PPIL4: variants seen among roughly 807,000 people sequenced by gnomAD.
PPIL4 encodes peptidylprolyl isomerase like 4.
A neutral mutation model predicts 69.1 loss-of-function variants in PPIL4; 50 were observed. The ratio of observed to expected loss-of-function variants is 0.72; its 90% CI spans 0.58 to 0.92. The LOEUF is 0.92. Among genes scored for constraint, PPIL4 ranks in the 40% least tolerant of loss-of-function variants. The probability of loss-of-function intolerance (pLI) is 0.00; values close to 1 mark genes in which losing one functional copy is unlikely to be tolerated. For missense variants in PPIL4, 480 were observed against 587.9 expected, an observed-to-expected ratio of 0.82 and a Z score of 1.90; for synonymous variants, 193 against 191.6, an observed-to-expected ratio of 1.01 and a Z score of -0.06.
At chr6:149,526,162 A>G (rs1012171547) in intron 8 of PPIL4, among the ~76,000 whole-genome samples, 4 of 152,164 alleles carry the variant, frequency 2.6e-5, no homozygotes, top group Non-Finnish European at 5.9e-5. Context: ...AACCCTAAAT[A>G]TAATACTTTT....
At chr6:149,542,695 T>C (rs1448572858) in intron 1 of PPIL4, among the ~76,000 whole-genome samples, 3 of 152,194 alleles carry the variant, frequency 2.0e-5, no homozygotes, top group African/African-American at 7.2e-5. Flanking sequence ...CAAAAGATTG[T>C]TTCTGGCTAG....
intron 11 of PPIL4, among the ~76,000 whole-genome samples, chr6:149,514,104 A>G (rs1304216395): frequency 6.6e-6 from 1 of 152,234 alleles, no homozygotes; most frequent in Non-Finnish European, 1.5e-5. Flanking sequence ...CATAAGATCA[A>G]ATGAAAGACA....
At chr6:149,524,037 C>T (rs571484229) in intron 9 of PPIL4, among the ~76,000 whole-genome samples, 13 of 152,282 alleles carry the variant, frequency 8.5e-5, no homozygotes, top group Admixed American at 2.6e-4. Flanking sequence ...AAAAGGTATT[C>T]CATAAATGCT....
At chr6:149,521,942 T>C (rs956217322) in intron 9 of PPIL4, among the ~76,000 whole-genome samples, 16 of 152,214 alleles carry the variant, frequency 1.1e-4, no homozygotes, top group Admixed American at 4.6e-4. Flanking sequence ...TGACCAATTT[T>C]CTTTTACATT....
At chr6:149,506,993 T>C (rs1381172582) in intron 12 of PPIL4, among the ~76,000 whole-genome samples, 2 of 152,250 alleles carry the variant, frequency 1.3e-5, no homozygotes, top group Non-Finnish European at 2.9e-5. Context: ...TTGCTACATT[T>C]AATTCTACTC....
chr6:149,505,543 T>C lies in PPIL4; in HGVS notation c.1389A>G (p.Thr463=), dbSNP rs756389250. The C allele has an allele frequency of 1.9e-6, 3 of 1,614,108 alleles. No individual in the cohort carries two copies. Among genetic ancestry groups the C allele is most frequent in the Non-Finnish European group, 2.5e-6 (3 of 1,179,970 alleles). The part of the protein sequence containing the change: ...YSNSHKSKYQ[T]DLYERERSKK... Reference sequence around the variant, plus strand: ...TACTCCTTTCTCTTTCATAAAGATCTGTTTGGTATTTTGATTTATGACTAT... The same window carrying C: ...TACTCCTTTCTCTTTCATAAAGATCCGTTTGGTATTTTGATTTATGACTAT... The change falls in exon 13 of 13, where the codon ACA becomes ACG. Residue 463 remains threonine (T), a synonymous_variant. Coordinates refer to ENST00000253329, the MANE Select transcript of PPIL4 (RefSeq NM_139126.4).
intron 1 of PPIL4, among the ~76,000 whole-genome samples, chr6:149,543,642 T>G (rs996789740): frequency 1.3e-5 from 2 of 152,164 alleles, no homozygotes; most frequent in African/African-American, 4.8e-5. Context: ...CCTGTCAAGT[T>G]TTTTTTCTTT....
chr6:149,532,230 G>A (rs1777210473), intron 7 of PPIL4, among the ~76,000 whole-genome samples: 1 of 152,158 alleles, frequency 6.6e-6, no homozygotes, highest in Non-Finnish European at 1.5e-5. Context: ...GTGAATGTGG[G>A]TAAAAGGTAT....
intron 7 of PPIL4, among the ~76,000 whole-genome samples, chr6:149,531,773 G>A (rs531787276): frequency 9.2e-5 from 14 of 152,094 alleles, no homozygotes; most frequent in African/African-American, 2.9e-4. Flanking sequence ...GGGTTCAAGC[G>A]ATTCTCCTGC....
chr6:149,529,712 G>T (rs60423891), intron 7 of PPIL4, among the ~76,000 whole-genome samples: 1,606 of 145,956 alleles, frequency 0.011, 29 homozygotes, highest in African/African-American at 0.04. Flanking sequence ...GCAGTGAGCC[G>T]AGATAATGCC....
At chr6:149,521,703 C>T (rs146412477) in intron 9 of PPIL4, among the ~76,000 whole-genome samples, 1 of 152,276 alleles carries the variant, frequency 6.6e-6, no homozygotes, top group Non-Finnish European at 1.5e-5. Flanking sequence ...AAAGGTATTA[C>T]ATAATCACAG....
intron 11 of PPIL4, among the ~76,000 whole-genome samples, chr6:149,515,216 G>A (rs1776925156): frequency 6.7e-6 from 1 of 148,808 alleles, no homozygotes; most frequent in African/African-American, 2.5e-5. Flanking sequence ...CAAACTTCTG[G>A]GCTCCAGCAA....
chr6:149,506,728 G>A lies in PPIL4; in HGVS notation c.1228-1024C>T, dbSNP rs146129052. On this transcript the variant is annotated intron_variant, in intron 12 of 12. Coordinates refer to ENST00000253329, the MANE Select transcript of PPIL4 (RefSeq NM_139126.4). Reference sequence around the variant, plus strand: ...TCCCACCTCAGTCTCCTAAGTAGCTGAGACCACAGGCATGTGCCATCACAC... The same window carrying A: ...TCCCACCTCAGTCTCCTAAGTAGCTAAGACCACAGGCATGTGCCATCACAC... Among the ~76,000 whole-genome samples the A allele has an allele frequency of 9.2e-5, 14 of 152,244 alleles. 1 individual carries two copies. The East Asian group carries it at 2.5e-3, about 27-fold the overall frequency.
chr6:149,538,612 G>A (rs900854149), intron 4 of PPIL4, among the ~76,000 whole-genome samples: 2 of 152,172 alleles, frequency 1.3e-5, no homozygotes, highest in African/African-American at 4.8e-5. Flanking sequence ...TTTGTGGGAG[G>A]AGGTCAAAAT....
Position 149,534,691 on chromosome 6 carries a change from C to T in PPIL4, c.548G>A (p.Arg183Lys), listed in dbSNP as rs1406848401. ...LIPDRSPEPT[R>K]EQLDSGRIGA... Reference sequence around the variant, plus strand: ...GGCTTTACTTACATCTAATTGTTCCCTTGTAGGTTCTGGTGATCGATCAGG... The same window carrying T: ...GGCTTTACTTACATCTAATTGTTCCTTTGTAGGTTCTGGTGATCGATCAGG... The change falls in exon 6 of 13, where the codon AGG (arginine) becomes AAG (lysine). Residue 183 changes from arginine to lysine, a missense_variant. By Grantham distance (26) the Arg-to-Lys change is conservative. Transcript: ENST00000253329. 1.9e-6 allele frequency: 3 copies of T among 1,553,568 alleles called. No individual in the cohort carries two copies. The highest frequency in any genetic ancestry group is 2.6e-6 in the Non-Finnish European group (3 of 1,132,110).
chr6:149,509,060 AAATT>A (rs773620960), intron 12 of PPIL4, among the ~76,000 whole-genome samples: 1 of 152,194 alleles, frequency 6.6e-6, no homozygotes, highest in Non-Finnish European at 1.5e-5. Flanking sequence ...GAAGAAGAGA[AAATT>A]AATGTAGCTA....
chr6:149,542,315 A>C (rs891238742), intron 1 of PPIL4, among the ~76,000 whole-genome samples: 1 of 152,214 alleles, frequency 6.6e-6, no homozygotes, highest in Admixed American at 6.5e-5. Flanking sequence ...ACAGCCCTTT[A>C]TAAAAATCCA....
intron 4 of PPIL4, among the ~76,000 whole-genome samples, chr6:149,538,705 G>C (rs1777316453): frequency 6.6e-6 from 1 of 152,192 alleles, no homozygotes; most frequent in Non-Finnish European, 1.5e-5. Context: ...AGTGAAGGAA[G>C]TAACTGCAAA....
Position 149,512,152 on chromosome 6 carries a change from T to C in PPIL4, c.1227+3A>G, listed in dbSNP as rs1282536741. ...CACATCTAAGTCTGGACATTAGAGG[T>C]ACCTGATTAGTATTTTTGATTGGCA... On this transcript the variant is annotated splice_donor_region_variant and intron_variant, in intron 12 of 12. Transcript: ENST00000253329. 6.2e-7 allele frequency: 1 copy of C among 1,600,500 alleles called. No individual in the cohort carries two copies. The highest frequency in any genetic ancestry group is 2.2e-5 in the East Asian group (1 of 44,698).
Sources: allele counts gnomAD v4.1 joint callset (sites outside exome capture counted in the v4.1 genomes callset), GRCh38; gene constraint gnomAD v4.1.1; transcripts MANE v1.5; gene names NCBI Gene and HGNC (gene_info 2026-07-23, HGNC 2026-07-21).